Variants in RTN1 observed in about 807,000 individuals in gnomAD.
The protein encoded by RTN1 is reticulon 1, also known as reticulon-1.
Under a neutral mutation model 65.5 loss-of-function variants are expected in RTN1, and 25 were observed. The observed-to-expected ratio is 0.38, with a 90% CI of 0.28 to 0.53. The LOEUF is 0.53. Ranked by LOEUF, RTN1 falls within the 20% of genes least tolerant of loss-of-function variation. RTN1 has a pLI of 0.79. For missense variants in RTN1, 983 were observed against 1,025.4 expected (o/e 0.96, Z 0.57); for synonymous variants, 471 against 447.6 (o/e 1.05, Z -0.66).
chr14:59,760,676 C>A (rs887556340), intron 1 of RTN1, among the ~76,000 whole-genome samples: 1 of 152,210 alleles, frequency 6.6e-6, no homozygotes, highest in African/African-American at 2.4e-5. Context: ...TTAGAACCTT[C>A]TTCATCCTCT....
chr14:59,613,912 T>C (rs943762741), intron 3 of RTN1, among the ~76,000 whole-genome samples: 20 of 152,114 alleles, frequency 1.3e-4, no homozygotes, highest in South Asian at 1.0e-3. Flanking sequence ...TGTTATCTGA[T>C]GGTTTTGAGT....
At chr14:59,802,972 A>G (rs1345923072) in intron 1 of RTN1, among the ~76,000 whole-genome samples, 1 of 151,928 alleles carries the variant, frequency 6.6e-6, no homozygotes, top group Non-Finnish European at 1.5e-5. Flanking sequence ...TACAGGTGAC[A>G]TTTAATTTTC....
At chr14:59,860,009 A>T (rs1175747209) in intron 1 of RTN1, among the ~76,000 whole-genome samples, 3 of 152,242 alleles carry the variant, frequency 2.0e-5, no homozygotes, top group Non-Finnish European at 4.4e-5. Context: ...TAATAATGTG[A>T]TAGAAAACCC....
chr14:59,635,296 A>G lies in RTN1; in HGVS notation c.1766-27804T>C, dbSNP rs1433198475. On this transcript the variant is annotated intron_variant, in intron 3 of 8. Transcript: ENST00000267484. Reference sequence around the variant, plus strand: ...GAATGTAATCATCATCTTGAATTCTATACCCAGCAAGACTAACAGACCTTT... The same window carrying G: ...GAATGTAATCATCATCTTGAATTCTGTACCCAGCAAGACTAACAGACCTTT... 3.3e-5 allele frequency among the ~76,000 whole-genome samples: 5 copies of G among 152,218 alleles called. No homozygotes were observed. The South Asian group carries it at 1.0e-3, about 31-fold the overall frequency.
intron 1 of RTN1, among the ~76,000 whole-genome samples, chr14:59,830,199 T>C (rs1887101346): frequency 6.6e-6 from 1 of 152,224 alleles, no homozygotes; most frequent in Non-Finnish European, 1.5e-5. Context: ...TTGTGGATAA[T>C]GCTGGTTGGA....
At chr14:59,767,037 A>G (rs1885862683) in intron 1 of RTN1, among the ~76,000 whole-genome samples, 1 of 152,174 alleles carries the variant, frequency 6.6e-6, no homozygotes, top group South Asian at 2.1e-4. Context: ...AAACAACAAC[A>G]ACAAAAAAAC....
At chr14:59,649,561 A>T (rs1311264156) in intron 3 of RTN1, among the ~76,000 whole-genome samples, 2 of 143,348 alleles carry the variant, frequency 1.4e-5, no homozygotes, top group Non-Finnish European at 1.5e-5. Flanking sequence ...ACAAATTTAT[A>T]AAAAAAAACC....
At chr14:59,708,453 A>T (rs1422006673) in intron 3 of RTN1, among the ~76,000 whole-genome samples, 1 of 152,266 alleles carries the variant, frequency 6.6e-6, no homozygotes, top group Non-Finnish European at 1.5e-5. Flanking sequence ...CTTCAGTGTT[A>T]GACAGCGTGG....
intron 1 of RTN1, among the ~76,000 whole-genome samples, chr14:59,796,198 A>C (rs149846360): frequency 9.1e-4 from 139 of 152,336 alleles, no homozygotes; most frequent in African/African-American, 3.1e-3. Context: ...TACAGTATTC[A>C]ATACAGTAAC....
intron 1 of RTN1, among the ~76,000 whole-genome samples, chr14:59,749,080 G>A (rs1885292501): frequency 2.1e-5 from 3 of 140,794 alleles, no homozygotes; most frequent in Non-Finnish European, 3.0e-5. Flanking sequence ...GAGCCACCAC[G>A]CCGGGGCATC....
chr14:59,704,407 G>A (rs1594688804), intron 3 of RTN1, among the ~76,000 whole-genome samples: 1 of 152,270 alleles, frequency 6.6e-6, no homozygotes, highest in Middle Eastern at 3.4e-3. Flanking sequence ...TGTGAGGATG[G>A]AGTGAAAGAG....
chr14:59,863,742 T>C (rs1285677290), intron 1 of RTN1, among the ~76,000 whole-genome samples: 1 of 152,144 alleles, frequency 6.6e-6, no homozygotes, highest in Non-Finnish European at 1.5e-5. Context: ...ATTCAAAAAT[T>C]AACATGTGTA....
At chr14:59,693,446 C>T (rs180956655) in intron 3 of RTN1, among the ~76,000 whole-genome samples, 11 of 152,074 alleles carry the variant, frequency 7.2e-5, no homozygotes, top group Admixed American at 7.2e-4. Context: ...TTTTGGTGCA[C>T]CCATCACCCA....
At chr14:59,674,265 A>C (rs549545124) in intron 3 of RTN1, among the ~76,000 whole-genome samples, 1 of 152,240 alleles carries the variant, frequency 6.6e-6, no homozygotes, top group Non-Finnish European at 1.5e-5. Flanking sequence ...TGGGTGGTCT[A>C]CTAGCAGTGG....
intron 3 of RTN1, among the ~76,000 whole-genome samples, chr14:59,705,875 TGAACAAAGGAGGCTGAAAGGCCTCAGAG>T (rs1380112267): frequency 6.6e-6 from 1 of 152,216 alleles, no homozygotes; most frequent in East Asian, 1.9e-4. Context: ...CTGAGTGCTT[TGAACAAAGGAGGCTGAAAGGCCTCAGAG>T]CCAAAGTCTC....
At chr14:59,630,652 G>A (rs1249420824) in intron 3 of RTN1, 19 of 1,259,288 alleles carry the variant, frequency 1.5e-5, no homozygotes, top group South Asian at 2.7e-5. Flanking sequence ...GCGCGGTGAG[G>A]GGCGGGAGCG....
At chr14:59,633,046 T>G (rs1882589528) in intron 3 of RTN1, among the ~76,000 whole-genome samples, 1 of 152,094 alleles carries the variant, frequency 6.6e-6, no homozygotes, top group African/African-American at 2.4e-5. Context: ...GAGGCTGCAG[T>G]GAGTTGTGAT....
chr14:59,721,261 G>A (rs564387217), intron 3 of RTN1, among the ~76,000 whole-genome samples: 2 of 152,348 alleles, frequency 1.3e-5, no homozygotes, highest in African/African-American at 4.8e-5. Flanking sequence ...TCAAGCTGCT[G>A]TAGCTGCTAT....
At chr14:59,742,437 G>A (rs754619624) in intron 2 of RTN1, among the ~76,000 whole-genome samples, 9 of 152,120 alleles carry the variant, frequency 5.9e-5, no homozygotes, top group Non-Finnish European at 1.2e-4. Context: ...TGGCTTAAAA[G>A]AGACTTCCAG....
Sources: gnomAD v4.1 joint callset for allele counts (sites outside exome capture counted in the v4.1 genomes callset) on GRCh38, gnomAD v4.1.1 for gene constraint, MANE v1.5 for transcripts, NCBI Gene and HGNC (gene_info 2026-07-23, HGNC 2026-07-21) for gene names.